Variants in TTC7B observed in about 807,000 individuals in gnomAD.
The protein encoded by TTC7B is tetratricopeptide repeat domain 7B, also known as tetratricopeptide repeat protein 7B.
TTC7B carries 28 observed loss-of-function variants against 106.8 expected under a neutral mutation model. The observed-to-expected ratio is 0.26, with a 90% CI of 0.19 to 0.36. The LOEUF (loss-of-function observed/expected upper bound fraction) is 0.36. Among genes scored for constraint, TTC7B ranks in the 10% least tolerant of loss-of-function variants. TTC7B has a pLI of 1.00. For missense variants in TTC7B, 862 were observed against 1,076.4 expected (o/e 0.80, Z 2.79); for synonymous variants, 405 against 430.6 (o/e 0.94, Z 0.74).
intron 18 of TTC7B, among the ~76,000 whole-genome samples, chr14:90,579,575 A>T (rs1032062393): frequency 2.0e-5 from 3 of 152,268 alleles, no homozygotes. Context: ...AGGCGGGCGG[A>T]TAGCTTGAGG....
chr14:90,779,311 T>A (rs1269643768), intron 3 of TTC7B, among the ~76,000 whole-genome samples: 2 of 152,162 alleles, frequency 1.3e-5, no homozygotes, highest in South Asian at 2.1e-4. Context: ...TTTATTTTTT[T>A]AATTTTTTTG....
chr14:90,630,403 T>C (rs1179075543), intron 15 of TTC7B, among the ~76,000 whole-genome samples: 1 of 152,178 alleles, frequency 6.6e-6, no homozygotes, highest in Non-Finnish European at 1.5e-5. Flanking sequence ...TCCCTTGTCA[T>C]CTACGAATGC....
intron 9 of TTC7B, among the ~76,000 whole-genome samples, chr14:90,666,223 G>A (rs966179083): frequency 3.3e-5 from 5 of 152,188 alleles, no homozygotes; most frequent in Non-Finnish European, 5.9e-5. Context: ...GTGCAATGGC[G>A]TGATCTCGGC....
chr14:90,691,609 T>C (rs947415382), intron 6 of TTC7B, among the ~76,000 whole-genome samples: 1 of 152,346 alleles, frequency 6.6e-6, no homozygotes, highest in African/African-American at 2.4e-5. Flanking sequence ...GAGAGAAAGG[T>C]GGGAAGTGGG....
intron 4 of TTC7B, among the ~76,000 whole-genome samples, chr14:90,737,106 G>A (rs12591022): frequency 0.094 from 14,314 of 151,916 alleles, 1,639 homozygotes; most frequent in African/African-American, 0.28. Context: ...TTACTGGTTA[G>A]GAAAATATTC....
chr14:90,696,994 G>A (rs1230219818), intron 5 of TTC7B, among the ~76,000 whole-genome samples: 2 of 152,200 alleles, frequency 1.3e-5, no homozygotes, highest in African/African-American at 4.8e-5. Flanking sequence ...CGGCGGGAAG[G>A]AAATAGCTAC....
rs1377395355 is a variant in TTC7B at position 90,719,275 on chromosome 14, A to G, written c.698+10800T>C. On this transcript the variant is annotated intron_variant, in intron 5 of 19. Coordinates refer to ENST00000328459, the MANE Select transcript of TTC7B (RefSeq NM_001010854.2). ...GGTGACAAAGCAAGACCCTGCCTCA[A>G]AAAAACAAACAAAAACAACAAAAAT... Among the ~76,000 whole-genome samples, 4 of 152,318 alleles carry G rather than the reference A, an allele frequency of 2.6e-5. No individual in the cohort carries two copies. In the East Asian group the frequency reaches 7.7e-4, roughly 29 times the overall value.
At chr14:90,670,916 T>A (rs1886607784) in intron 9 of TTC7B, among the ~76,000 whole-genome samples, 5 of 152,136 alleles carry the variant, frequency 3.3e-5, no homozygotes, top group Admixed American at 3.3e-4. Flanking sequence ...GATACACTCC[T>A]TGCACATCTA....
intron 3 of TTC7B, among the ~76,000 whole-genome samples, chr14:90,765,994 C>T (rs1194991181): frequency 6.6e-6 from 1 of 152,162 alleles, no homozygotes; most frequent in African/African-American, 2.4e-5. Context: ...AAGACTAGAG[C>T]ATTCAAAGGC....
chr14:90,643,457 T>C (rs1264178921), intron 15 of TTC7B, among the ~76,000 whole-genome samples: 1 of 152,050 alleles, frequency 6.6e-6, no homozygotes, highest in Non-Finnish European at 1.5e-5. Context: ...CCACAGTCCA[T>C]CTAAAATTGT....
At position 90,676,625 on chromosome 14, in the gene TTC7B, T is replaced by G; in HGVS notation, c.1050A>C (p.Glu350Asp). The G allele has an allele frequency of 6.2e-7, 1 of 1,614,112 alleles. No homozygotes were observed. The highest frequency in any genetic ancestry group is 2.2e-5 in the East Asian group (1 of 44,878). ...NRDAVLSRIPEHKSDRLISLQ... is the reference protein window; with the variant it reads ...NRDAVLSRIPDHKSDRLISLQ... Reference sequence around the variant, plus strand: ...GACTGATGAGGCGGTCACTCTTGTGTTCAGGTATCCTGCTCAGCACAGCGT... The same window carrying G: ...GACTGATGAGGCGGTCACTCTTGTGGTCAGGTATCCTGCTCAGCACAGCGT... The change falls in exon 9 of 20, where the codon GAA (glutamate) becomes GAC (aspartate). Residue 350 changes from glutamate (E) to aspartate (D), a missense_variant. Coordinates refer to ENST00000328459, the MANE Select transcript of TTC7B (RefSeq NM_001010854.2).
rs912148012 is a variant in TTC7B at position 90,539,843 on chromosome 14, A to C, written c.*1525T>G. Reference sequence around the variant, plus strand: ...CTCATGGTGGCAAGAGGGCTGCTGCAGTTCCAGCCTCACTTCTCAGCTTGA... The same window carrying C: ...CTCATGGTGGCAAGAGGGCTGCTGCCGTTCCAGCCTCACTTCTCAGCTTGA... On this transcript the variant is annotated 3_prime_UTR_variant, in exon 20 of 20. Transcript: ENST00000328459. 1 of 152,286 alleles carries C rather than the reference A, an allele frequency of 6.6e-6. No homozygotes were observed. The highest frequency in any genetic ancestry group is 2.4e-5 in the African/African-American group (1 of 41,458). 9.4% of individuals were successfully genotyped at this position (152,286 alleles called of 1,614,324 possible). A position where few individuals can be genotyped will look rare whatever the true frequency, so the allele number is the denominator to read the frequency against.
intron 1 of TTC7B, among the ~76,000 whole-genome samples, chr14:90,812,743 A>G (rs2030966925): frequency 6.6e-6 from 1 of 152,058 alleles, no homozygotes; most frequent in Admixed American, 6.5e-5. Context: ...AATGGTGACT[A>G]CGGTAGGGTA....
intron 7 of TTC7B, among the ~76,000 whole-genome samples, chr14:90,684,709 G>A (rs1233315767): frequency 1.3e-5 from 2 of 152,184 alleles, no homozygotes; most frequent in African/African-American, 4.8e-5. Flanking sequence ...GGAGAGTGCT[G>A]CCCTGGATGG....
intron 9 of TTC7B, chr14:90,676,305 G>T (rs1452001917): frequency 2.2e-5 from 9 of 416,386 alleles, no homozygotes; most frequent in Non-Finnish European, 4.3e-6. Flanking sequence ...GTGGGTTATG[G>T]AACTCTCATG....
Position 90,654,985 on chromosome 14 carries a change from T to C in TTC7B, c.1459+8A>G, listed in dbSNP as rs1340098513. On this transcript the variant is annotated splice_region_variant and intron_variant, in intron 12 of 19. Transcript: ENST00000328459. ...GCTCAGCAGCTGTGGGGGTGGGACGTCTCTCACCGTCAGTGGCCTGCAGAC... is the reference window on the plus strand; with the variant it reads ...GCTCAGCAGCTGTGGGGGTGGGACGCCTCTCACCGTCAGTGGCCTGCAGAC... The C allele has an allele frequency of 6.2e-7, 1 of 1,603,912 alleles. No homozygotes were observed. The highest frequency in any genetic ancestry group is 8.5e-7 in the Non-Finnish European group (1 of 1,170,814).
intron 18 of TTC7B, among the ~76,000 whole-genome samples, chr14:90,585,212 C>T (rs569820722): frequency 5.3e-5 from 8 of 152,334 alleles, no homozygotes; most frequent in African/African-American, 1.9e-4. Flanking sequence ...CCATTAGTCT[C>T]TGAGTCTGCA....
Position 90,570,734 on chromosome 14 carries a change from A to G in TTC7B, c.2310+7372T>C, listed in dbSNP as rs1012875320. On this transcript the variant is annotated intron_variant, in intron 19 of 19. Coordinates refer to ENST00000328459, the MANE Select transcript of TTC7B (RefSeq NM_001010854.2). This position sits in a 1 kb window ranked among gnomAD's most constrained non-coding sequence, Gnocchi z 4.0. ...ATCTCCCAGCCCAGGCGCGACCTGG[A>G]TTACAGAGAATGACAGCGACACTCA... 2.6e-5 allele frequency among the ~76,000 whole-genome samples: 4 copies of G among 152,218 alleles called. No individual in the cohort carries two copies. Among genetic ancestry groups the G allele is most frequent in the Non-Finnish European group, 5.9e-5 (4 of 68,034 alleles).
chr14:90,641,087 ATCT>A (rs1885150981), intron 15 of TTC7B, among the ~76,000 whole-genome samples: 1 of 152,196 alleles, frequency 6.6e-6, no homozygotes, highest in Admixed American at 6.5e-5. Context: ...GGTTAGAAAC[ATCT>A]TCTCAATTGT....
Sources: allele counts gnomAD v4.1 joint callset (sites outside exome capture counted in the v4.1 genomes callset), GRCh38; gene constraint gnomAD v4.1.1; non-coding constraint Gnocchi (gnomAD v3.1); transcripts MANE v1.5; gene names NCBI Gene and HGNC (gene_info 2026-07-23, HGNC 2026-07-21).